The following TNFRSF1B variants were observed in gnomAD, a reference collection of about 807,000 sequenced individuals.
TNFRSF1B encodes tumor necrosis factor receptor superfamily member 1B.
Under a neutral mutation model 44.6 loss-of-function variants are expected in TNFRSF1B, and 19 were observed. The ratio of observed to expected loss-of-function variants is 0.43; its 90% CI spans 0.30 to 0.62. The LOEUF is 0.62. TNFRSF1B is among the 20% of genes least tolerant of loss of function. The pLI is 0.16. For synonymous variants in TNFRSF1B, 252 were observed against 261.1 expected, an observed-to-expected ratio of 0.97 and a Z score of 0.34; for missense variants, 541 against 619.9, an observed-to-expected ratio of 0.87 and a Z score of 1.35.
chr1:12,191,261 G>A (rs666078), intron 3 of TNFRSF1B, among the ~76,000 whole-genome samples, 176 bp downstream of exon 3: 24,407 of 152,308 alleles, frequency 0.16, 2,220 homozygotes, highest in Middle Eastern at 0.24. Flanking sequence ...TCTCACCAAA[G>A]CCTCTTCACA....
intron 2 of TNFRSF1B, among the ~76,000 whole-genome samples, chr1:12,190,681 T>C: frequency 6.6e-6 from 1 of 152,114 alleles, no homozygotes; most frequent in South Asian, 2.1e-4. Flanking sequence ...AGCTAGTTCT[T>C]ACTAAAGTGT....
chr1:12,179,443 G>T (rs955209522), intron 1 of TNFRSF1B, among the ~76,000 whole-genome samples: 6 of 152,168 alleles, frequency 3.9e-5, no homozygotes, highest in Non-Finnish European at 8.8e-5. Context: ...TAGGGGCCCC[G>T]CGACCCGCCA....
chr1:12,195,049 A>G (rs1217325394), intron 8 of TNFRSF1B, among the ~76,000 whole-genome samples: 2 of 152,194 alleles, frequency 1.3e-5, no homozygotes, highest in Non-Finnish European at 2.9e-5. Flanking sequence ...GTGGTTTTCA[A>G]ACTGAATTCT....
At chr1:12,191,609 G>T (rs939193642) in intron 3 of TNFRSF1B, 165 bp from the exon 4 acceptor site, 15 of 774,274 alleles carry the variant, frequency 1.9e-5, no homozygotes, top group Non-Finnish European at 2.8e-5. Flanking sequence ...TAGCAGGACT[G>T]CCGGTCCTGC....
rs1030736355 is a variant in TNFRSF1B, at chr1:12,180,233, C to T, written c.79-8563C>T. ...TCGCTTAAGGCCAGGAGTTCAAGAC[C>T]AGTCTGGACAACATAGCAAGACCCG... is the stretch of plus-strand genomic sequence containing the variant. On this transcript the variant is annotated intron_variant, in intron 1 of 9. Transcript: ENST00000376259. This position sits in a 1 kb window ranked among gnomAD's most constrained non-coding sequence, Gnocchi z 4.3. Among the ~76,000 whole-genome samples the T allele has an allele frequency of 6.6e-6, 1 of 152,154 alleles. No homozygotes were observed. The highest frequency in any genetic ancestry group is 2.4e-5 in the African/African-American group (1 of 41,434).
intron 8 of TNFRSF1B, among the ~76,000 whole-genome samples, chr1:12,196,983 T>G (rs1639280844): frequency 6.6e-6 from 1 of 151,626 alleles, no homozygotes; most frequent in South Asian, 2.1e-4. Context: ...GAGACAGCTA[T>G]GTCGCCCAGG....
In TNFRSF1B at chr1:12,186,265, T is replaced by C. The variant is rs1224559378; in HGVS notation, c.79-2531T>C. Among the ~76,000 whole-genome samples, 1 of 152,114 alleles carries C rather than the reference T, an allele frequency of 6.6e-6. No individual in the cohort carries two copies. Among genetic ancestry groups the C allele is most frequent in the African/African-American group, 2.4e-5 (1 of 41,428 alleles). ...AGCCCTGCTTGTCACTCGCTATAGG[T>C]GCAGCCAAACGCTCAGCAGGCCCAA... On this transcript the variant is annotated intron_variant, in intron 1 of 9. Transcript: ENST00000376259. This position sits in a 1 kb window ranked among gnomAD's most constrained non-coding sequence, Gnocchi z 4.8.
intron 1 of TNFRSF1B, among the ~76,000 whole-genome samples, chr1:12,181,519 C>T (rs994298212): frequency 2.6e-5 from 4 of 152,146 alleles, no homozygotes; most frequent in African/African-American, 9.7e-5. Flanking sequence ...ATGACACCCC[C>T]AAATCCCCCG....
intron 8 of TNFRSF1B, among the ~76,000 whole-genome samples, chr1:12,194,893 G>A: frequency 6.6e-6 from 1 of 152,246 alleles, no homozygotes; most frequent in East Asian, 1.9e-4. Context: ...TTGGGCAGAT[G>A]TGAAATTGCT....
chr1:12,172,826 T>A (rs1179132566), intron 1 of TNFRSF1B, among the ~76,000 whole-genome samples: 1 of 152,220 alleles, frequency 6.6e-6, no homozygotes, highest in Non-Finnish European at 1.5e-5. Context: ...TAACAGGTGC[T>A]GTGTGTTTTG....
At chr1:12,194,508 C>T in intron 7 of TNFRSF1B, 76 bp from the exon 8 acceptor site, 1 of 1,579,324 alleles carries the variant, frequency 6.3e-7, no homozygotes, top group Non-Finnish European at 8.7e-7. Flanking sequence ...TCTATGGGGC[C>T]CCATACTGCC....
intron 8 of TNFRSF1B, among the ~76,000 whole-genome samples, chr1:12,197,460 C>T (rs1481594856): frequency 2.0e-5 from 3 of 152,228 alleles, no homozygotes; most frequent in African/African-American, 4.8e-5. Context: ...TCTGCACAGG[C>T]CTGAGCTTAT....
intron 1 of TNFRSF1B, among the ~76,000 whole-genome samples, chr1:12,174,332 CT>C (rs1351249606): frequency 6.6e-6 from 1 of 151,892 alleles, no homozygotes; most frequent in Non-Finnish European, 1.5e-5. Flanking sequence ...ACTGCAACCT[CT>C]GCCTCCCAGG....
intron 3 of TNFRSF1B, among the ~76,000 whole-genome samples, chr1:12,191,481 G>A: frequency 6.6e-6 from 1 of 151,844 alleles, no homozygotes; most frequent in East Asian, 2.0e-4. Flanking sequence ...GAGCGGGACT[G>A]TGGGGAGGAG....
chr1:12,174,284 G>A (rs1349552864), intron 1 of TNFRSF1B, among the ~76,000 whole-genome samples: 1 of 143,396 alleles, frequency 7.0e-6, no homozygotes. Flanking sequence ...GTCTGACTCC[G>A]TTGCCCAGGC....
intron 1 of TNFRSF1B, among the ~76,000 whole-genome samples, chr1:12,175,770 C>T (rs1638640737): frequency 6.6e-6 from 1 of 152,158 alleles, no homozygotes; most frequent in Admixed American, 6.5e-5. Flanking sequence ...TGGTCATTGC[C>T]CTGGTCTTTT....
At chr1:12,201,865 GTGC>G in intron 8 of TNFRSF1B, 99 bp from the exon 9 acceptor site, 1 of 1,441,834 alleles carries the variant, frequency 6.9e-7, no homozygotes, top group Non-Finnish European at 9.3e-7. Flanking sequence ...AAACTGAGAA[GTGC>G]TGATGGCAGG....
Position 12,204,683 on chromosome 1 carries a change from C to G in TNFRSF1B, c.1106-2057C>G, listed in dbSNP as rs1335874205. On this transcript the variant is annotated intron_variant, in intron 9 of 9. Transcript: ENST00000376259. The stretch of plus-strand genomic sequence containing the variant: ...GAAGGTGAGGCAAACCTTGGGCTGT[C>G]CTTGGCCGGATCTCCTGCATCTGGC... 2.0e-5 allele frequency among the ~76,000 whole-genome samples: 3 copies of G among 152,220 alleles called. No homozygotes were observed. In the East Asian group the frequency reaches 5.8e-4, roughly 29 times the overall value.
chr1:12,198,318 C>G (rs947508669), intron 8 of TNFRSF1B, among the ~76,000 whole-genome samples: 1 of 152,020 alleles, frequency 6.6e-6, no homozygotes. Flanking sequence ...GATTCTTGTC[C>G]CCCATTATAT....
Sources: allele counts gnomAD v4.1 joint callset (sites outside exome capture counted in the v4.1 genomes callset), GRCh38; gene constraint gnomAD v4.1.1; non-coding constraint Gnocchi (gnomAD v3.1); transcripts MANE v1.5; gene names NCBI Gene and HGNC (gene_info 2026-07-23, HGNC 2026-07-21).